The following ADAM19 variants were observed in gnomAD, a reference collection of about 807,000 sequenced individuals.
The protein encoded by ADAM19 is disintegrin and metalloproteinase domain-containing protein 19.
In ADAM19, 65 loss-of-function variants were observed where a neutral mutation model predicts 114.7. The ratio of observed to expected loss-of-function variants is 0.57; its 90% CI spans 0.46 to 0.70. The LOEUF is 0.70. Ranked by LOEUF, ADAM19 falls within the 30% of genes least tolerant of loss-of-function variation. The probability of loss-of-function intolerance (pLI) is 0.00; values close to 1 mark genes in which losing one functional copy is unlikely to be tolerated. For synonymous variants in ADAM19, 466 were observed against 460.5 expected (o/e 1.01, Z -0.15); for missense variants, 1,063 against 1,204.7 (o/e 0.88, Z 1.74).
intron 5 of ADAM19, 28 bp from the exon 6 acceptor site, chr5:157,520,059 GT>G (rs1561541249): frequency 1.9e-6 from 3 of 1,584,266 alleles, no homozygotes; most frequent in Non-Finnish European, 2.6e-6. Context: ...AGAATCTCTG[GT>G]CAAAGATTAT....
intron 13 of ADAM19, among the ~76,000 whole-genome samples, chr5:157,497,351 TACA>T (rs1755397528): frequency 6.6e-6 from 1 of 152,216 alleles, no homozygotes; most frequent in African/African-American, 2.4e-5. Context: ...ATAATACCTA[TACA>T]ACAATTTACA....
intron 21 of ADAM19, among the ~76,000 whole-genome samples, chr5:157,484,811 A>T (rs11950414): frequency 0.02 from 3,082 of 152,278 alleles, 102 homozygotes; most frequent in African/African-American, 0.071. Flanking sequence ...CTGGGTGCAG[A>T]TGTCAGGTTG....
At position 157,479,406 on chromosome 5, in the gene ADAM19, G is replaced by A. The variant is rs1754682530; in HGVS notation, c.*1543C>T. On this transcript the variant is annotated 3_prime_UTR_variant, in exon 23 of 23. Coordinates refer to ENST00000257527, the MANE Select transcript of ADAM19 (RefSeq NM_033274.5). ...AATTGCTCATGGCAGGATGGGAGGAGGCCCCAGGAAAGCCTCAGAGGAGTG... is the reference window on the plus strand; with the variant it reads ...AATTGCTCATGGCAGGATGGGAGGAAGCCCCAGGAAAGCCTCAGAGGAGTG... 1 of 986,044 alleles carries A rather than the reference G, an allele frequency of 1.0e-6. No homozygotes were observed. The highest frequency in any genetic ancestry group is 1.7e-5 in the African/African-American group (1 of 57,358). 61.1% of individuals were successfully genotyped at this position (986,044 alleles called of 1,614,324 possible).
intron 13 of ADAM19, among the ~76,000 whole-genome samples, chr5:157,498,688 G>GTATGTATATATA (rs1554079322): frequency 1.4e-5 from 2 of 143,862 alleles, no homozygotes; most frequent in East Asian, 2.2e-4. Flanking sequence ...ATGTGTGTAT[G>GTATGTATATATA]TATATATATA....
At chr5:157,499,513 G>T in intron 13 of ADAM19, 60 bp downstream of exon 13, 1 of 1,423,864 alleles carries the variant, frequency 7.0e-7, no homozygotes, top group Non-Finnish European at 9.8e-7. Flanking sequence ...CCCCAGCAGA[G>T]CAGTCCTGTG....
At chr5:157,549,840 C>T (rs1479631637) in intron 3 of ADAM19, among the ~76,000 whole-genome samples, 1 of 152,198 alleles carries the variant, frequency 6.6e-6, no homozygotes, top group Admixed American at 6.5e-5. Flanking sequence ...AAAATTAGCT[C>T]GAGCTTAAAA....
At chr5:157,521,966 A>C (rs1251709509) in intron 5 of ADAM19, among the ~76,000 whole-genome samples, 1 of 152,240 alleles carries the variant, frequency 6.6e-6, no homozygotes, top group Non-Finnish European at 1.5e-5. Flanking sequence ...GGAAAGTTCC[A>C]TAGAGGAATC....
At chr5:157,545,750 G>A (rs1255742678) in intron 3 of ADAM19, among the ~76,000 whole-genome samples, 2 of 152,176 alleles carry the variant, frequency 1.3e-5, no homozygotes, top group African/African-American at 2.4e-5. Flanking sequence ...TAAGCTAAAT[G>A]TCAGTGGTAG....
At chr5:157,482,171 T>G (rs1476901098) in intron 21 of ADAM19, among the ~76,000 whole-genome samples, 1 of 152,268 alleles carries the variant, frequency 6.6e-6, no homozygotes, top group East Asian at 1.9e-4. Context: ...GATCTTTTTT[T>G]CATATGTTTG....
intron 21 of ADAM19, 142 bp downstream of exon 21, chr5:157,488,123 G>T: frequency 1.3e-6 from 1 of 793,910 alleles, no homozygotes; most frequent in Non-Finnish European, 2.1e-6. Context: ...AACCTGCTGT[G>T]CGCCCCCGTA....
intron 7 of ADAM19, among the ~76,000 whole-genome samples, chr5:157,516,557 C>T (rs919088527): frequency 6.6e-6 from 1 of 152,144 alleles, no homozygotes; most frequent in Non-Finnish European, 1.5e-5. Context: ...CCTCTGAGAA[C>T]AATGCAAGGC....
chr5:157,496,916 C>G lies in ADAM19; in HGVS notation c.1572G>C (p.Gln524His). 1 of 1,590,602 alleles carries G rather than the reference C, an allele frequency of 6.3e-7. No homozygotes were observed. Among genetic ancestry groups the G allele is most frequent in the Non-Finnish European group, 8.5e-7 (1 of 1,169,934 alleles). ...YNGMCLTYQEQCQQLWGPGAR... is the reference protein window; with the variant it reads ...YNGMCLTYQEHCQQLWGPGAR... ...TACCGGGTCCCCACAGCTGCTGGCACTGCTCCTGGTAGGTGAGGCACATGC... is the reference window on the plus strand; with the variant it reads ...TACCGGGTCCCCACAGCTGCTGGCAGTGCTCCTGGTAGGTGAGGCACATGC... The change falls in exon 14 of 23, where the codon CAG (glutamine) becomes CAC (histidine). Residue 524 changes from glutamine to histidine, a missense_variant. Physicochemically the swap from Gln to His is conservative, Grantham distance 24 (BLOSUM62 0). Coordinates refer to ENST00000257527, the MANE Select transcript of ADAM19 (RefSeq NM_033274.5).
intron 3 of ADAM19, among the ~76,000 whole-genome samples, chr5:157,551,754 T>A (rs113780746): frequency 0.24 from 35,641 of 150,694 alleles, 4,224 homozygotes; most frequent in South Asian, 0.37. Context: ...CAATCAAAAG[T>A]TGGGCAAAAG....
intron 14 of ADAM19, among the ~76,000 whole-genome samples, chr5:157,495,890 T>C (rs1161237494): frequency 6.1e-5 from 9 of 148,376 alleles, no homozygotes; most frequent in African/African-American, 2.2e-4. Context: ...TGCCTTGGCC[T>C]CCCAAAGTAC....
At chr5:157,495,449 T>C (rs900382827) in intron 14 of ADAM19, among the ~76,000 whole-genome samples, 2 of 152,222 alleles carry the variant, frequency 1.3e-5, no homozygotes, top group Non-Finnish European at 2.9e-5. Flanking sequence ...TTTAAAGATA[T>C]AAGTATGTCT....
chr5:157,495,244 C>T (rs1755320384), intron 14 of ADAM19, among the ~76,000 whole-genome samples: 1 of 151,964 alleles, frequency 6.6e-6, no homozygotes, highest in African/African-American at 2.4e-5. Context: ...CTCATGATCC[C>T]CCCGCCTCGG....
At chr5:157,573,981 G>A (rs1169039625) in intron 1 of ADAM19, among the ~76,000 whole-genome samples, 1 of 152,108 alleles carries the variant, frequency 6.6e-6, no homozygotes, top group African/African-American at 2.4e-5. Flanking sequence ...ACATTTGTAT[G>A]AGTCGTGTTT....
At chr5:157,530,763 TGG>T in intron 5 of ADAM19, 42 bp downstream of exon 5, 1 of 1,539,218 alleles carries the variant, frequency 6.5e-7, no homozygotes, top group Non-Finnish European at 9.0e-7. Context: ...CTTCCATTCC[TGG>T]GGAGAGTGCC....
At position 157,479,451 on chromosome 5, in the gene ADAM19, T is replaced by C; in HGVS notation, c.*1498A>G. ...GGAGTGAGAGTCAGGCCAGCTCCTG[T>C]CCGGAGAGCCACCCAGCACCTTTGT... On this transcript the variant is annotated 3_prime_UTR_variant, in exon 23 of 23. Transcript: ENST00000257527. 1 of 985,968 alleles carries C rather than the reference T, an allele frequency of 1.0e-6. No individual in the cohort carries two copies. Among genetic ancestry groups the C allele is most frequent in the Non-Finnish European group, 1.2e-6 (1 of 830,046 alleles). The allele number at this position is 985,968 out of a possible 1,614,324, so 61.1% of individuals were successfully genotyped here.
Sources: allele counts gnomAD v4.1 joint callset (sites outside exome capture counted in the v4.1 genomes callset), GRCh38; gene constraint gnomAD v4.1.1; transcripts MANE v1.5; gene names NCBI Gene and HGNC (gene_info 2026-07-23, HGNC 2026-07-21).